Variants in ADAMTS9 observed in about 807,000 individuals in gnomAD.
ADAMTS9 encodes the protein ADAM metallopeptidase with thrombospondin type 1 motif 9.
In ADAMTS9, 107 loss-of-function variants were observed where a neutral mutation model predicts 257.1. The ratio of observed to expected loss-of-function variants is 0.42; its 90% confidence interval spans 0.36 to 0.49. ADAMTS9 has a LOEUF of 0.49. Ranked by LOEUF, ADAMTS9 falls within the 20% of genes least tolerant of loss-of-function variation. The probability of loss-of-function intolerance (pLI) is 0.03; values close to 1 mark genes in which losing one functional copy is unlikely to be tolerated. For synonymous variants in ADAMTS9, 982 were observed against 880.9 expected, an observed-to-expected ratio of 1.11 and a Z score of -2.03; for missense variants, 2,353 against 2,469.1, an observed-to-expected ratio of 0.95 and a Z score of 1.00.
intron 23 of ADAMTS9, among the ~76,000 whole-genome samples, chr3:64,605,207 T>G (rs1399338188): frequency 4.6e-5 from 7 of 152,234 alleles, no homozygotes; most frequent in Non-Finnish European, 8.8e-5. Flanking sequence ...AAGGAATTAT[T>G]CACATACTGC....
chr3:64,605,028 G>A (rs1246313644), intron 23 of ADAMTS9, among the ~76,000 whole-genome samples: 1 of 152,218 alleles, frequency 6.6e-6, no homozygotes, highest in African/African-American at 2.4e-5. Flanking sequence ...ATGCCTGAGT[G>A]TGCTGTACAC....
At position 64,657,693 on chromosome 3, in the gene ADAMTS9, ATTTT is replaced by A. The variant is rs71102810; in HGVS notation, c.969+805_969+808del. Among the ~76,000 whole-genome samples, 2 of 151,656 alleles carry A rather than the reference ATTTT, an allele frequency of 1.3e-5. 1 individual carries two copies. ...GCTACATGAAAATTTAAAATTAGGA[ATTTT>A]TTTTAATTTAAATACATTTGAAATT... On this transcript the variant is annotated intron_variant, in intron 4 of 39. Coordinates refer to ENST00000498707, the MANE Select transcript of ADAMTS9 (RefSeq NM_182920.2).
At chr3:64,598,232 T>G (rs893401218) in intron 26 of ADAMTS9, among the ~76,000 whole-genome samples, 8 of 152,116 alleles carry the variant, frequency 5.3e-5, no homozygotes, top group African/African-American at 1.9e-4. Context: ...GAGAAAATAT[T>G]TAGGTATTTT....
At position 64,575,943 on chromosome 3, in the gene ADAMTS9, A is replaced by G. The variant is rs150884180; in HGVS notation, c.4357-7408T>C. ...AGGTGAGTTTAAAAAAATTTTGTTA[A>G]CTAATGGAGTCTAACATTCTAACAG... On this transcript the variant is annotated intron_variant, in intron 28 of 39. Transcript: ENST00000498707. Among the ~76,000 whole-genome samples, 26 of 152,306 alleles carry G rather than the reference A, an allele frequency of 1.7e-4. No homozygotes were observed. In the East Asian group the frequency reaches 5.0e-3, roughly 29 times the overall value.
At chr3:64,599,505 C>T (rs1207645846) in intron 26 of ADAMTS9, among the ~76,000 whole-genome samples, 1 of 152,184 alleles carries the variant, frequency 6.6e-6, no homozygotes, top group African/African-American at 2.4e-5. Context: ...CTTTTCCTTA[C>T]ATCTGGCAGC....
chr3:64,617,263 T>C (rs1376988019), intron 19 of ADAMTS9, among the ~76,000 whole-genome samples: 1 of 152,176 alleles, frequency 6.6e-6, no homozygotes, highest in African/African-American at 2.4e-5. Context: ...CTACCTTCTC[T>C]TTGCCTTCGT....
At chr3:64,593,944 GTATGTGTGTGTGTATGA>G (rs1277077381) in intron 28 of ADAMTS9, among the ~76,000 whole-genome samples, 8 of 112,776 alleles carry the variant, frequency 7.1e-5, no homozygotes, top group African/African-American at 4.1e-4. Flanking sequence ...AAATCACTAT[GTATGTGTGTGTGTATGA>G]TGTGTGTGTG....
chr3:64,551,902 G>A (rs575045199), intron 30 of ADAMTS9, among the ~76,000 whole-genome samples: 2 of 152,276 alleles, frequency 1.3e-5, no homozygotes, highest in East Asian at 3.9e-4. Context: ...TTTAGCCCCA[G>A]GTGCCTTTTC....
At chr3:64,589,478 G>A (rs139131779) in intron 28 of ADAMTS9, 3 of 152,282 alleles carry the variant, frequency 2.0e-5, no homozygotes, top group East Asian at 3.9e-4. Context: ...AGTCAAATGG[G>A]TTCCTAACAG....
intron 3 of ADAMTS9, among the ~76,000 whole-genome samples, chr3:64,675,101 A>T (rs867038324): frequency 6.6e-6 from 1 of 152,144 alleles, no homozygotes; most frequent in Non-Finnish European, 1.5e-5. Context: ...GAGGCCAAAA[A>T]ATATCCCCTA....
chr3:64,663,393 G>C (rs1187399746), intron 3 of ADAMTS9, among the ~76,000 whole-genome samples: 1 of 150,492 alleles, frequency 6.6e-6, no homozygotes, highest in Non-Finnish European at 1.5e-5. Context: ...GAGTACTGCA[G>C]TGAGAACAAC....
At chr3:64,636,807 G>T (rs1267710917) in intron 12 of ADAMTS9, among the ~76,000 whole-genome samples, 1 of 152,180 alleles carries the variant, frequency 6.6e-6, no homozygotes, top group Non-Finnish European at 1.5e-5. Flanking sequence ...TATCAGTAAG[G>T]TTGAGTAATT....
intron 23 of ADAMTS9, among the ~76,000 whole-genome samples, chr3:64,604,953 T>A (rs1183157001): frequency 1.3e-5 from 2 of 152,262 alleles, no homozygotes; most frequent in Non-Finnish European, 2.9e-5. Flanking sequence ...AGTACACACC[T>A]GCTCATATTC....
intron 6 of ADAMTS9, 129 bp from the exon 7 acceptor site, chr3:64,654,741 C>A: frequency 1.0e-6 from 1 of 967,380 alleles, no homozygotes; most frequent in South Asian, 1.6e-5. Context: ...AAAGCAAATT[C>A]ATAAGACCAG....
chr3:64,592,914 C>T (rs758214648), intron 28 of ADAMTS9, among the ~76,000 whole-genome samples: 35 of 151,680 alleles, frequency 2.3e-4, no homozygotes, highest in Non-Finnish European at 4.1e-4. Context: ...GGGAATTTCA[C>T]GAAAAATAAT....
rs573042306 is a variant in ADAMTS9 at position 64,561,471 on chromosome 3, G to A, written c.4698+107C>T. On this transcript the variant is annotated intron_variant, in intron 30 of 39. Transcript: ENST00000498707. ...AACCTTTTGGGAAAGAGCCAGCATT[G>A]TAACCGTGCTCGGTGACTTCTCTGG... 164 of 1,281,068 alleles carry A rather than the reference G, an allele frequency of 1.3e-4. No individual in the cohort carries two copies. In the African/African-American group the frequency reaches 2.2e-3, roughly 18 times the overall value. 79.4% of individuals were successfully genotyped at this position (1,281,068 alleles called of 1,614,324 possible).
In ADAMTS9 at chr3:64,681,300, G is replaced by C. The variant is rs781168729; in HGVS notation, c.580C>G (p.Gln194Glu). 34 of 1,613,884 alleles carry C rather than the reference G, an allele frequency of 2.1e-5. No homozygotes were observed. The South Asian group carries it at 3.7e-4, about 18-fold the overall frequency. Residue 194 changes from glutamine to glutamate, a missense_variant, in exon 3 of 40, where the codon CAA becomes GAA. Gln to Glu is a conservative substitution (Grantham distance 29). Transcript: ENST00000498707. ...FIEPLQSMDE[Q>E]EDEEEQNKPH... The stretch of plus-strand genomic sequence containing the variant: ...TTGTTTTGTTCCTCTTCATCTTCTT[G>C]TTCATCCATAGACTGTAGTGGTTCA...
At chr3:64,580,288 T>A (rs1029503119) in intron 28 of ADAMTS9, among the ~76,000 whole-genome samples, 7 of 152,166 alleles carry the variant, frequency 4.6e-5, no homozygotes, top group South Asian at 2.1e-4. Context: ...TCAATTTTTT[T>A]AATAAGTTTT....
At position 64,596,941 on chromosome 3, in the gene ADAMTS9, C is replaced by T. The variant is rs888428662; in HGVS notation, c.4068G>A (p.Gln1356=). The change falls in exon 27 of 40, where the codon CAG becomes CAA. Residue 1356 remains glutamine (Q), a synonymous_variant. Transcript: ENST00000498707. ...GGSQRRVVVC[Q]DENGYTANDC... is the part of the protein sequence containing the mutation. ...CGTTTGCGGTGTATCCATTTTCATC[C>T]TGACATACAACAACACGCCGCTGGG... The T allele has an allele frequency of 6.2e-7, 1 of 1,613,986 alleles. No individual in the cohort carries two copies. The highest frequency in any genetic ancestry group is 1.7e-5 in the Admixed American group (1 of 60,002).
Sources: gnomAD v4.1 joint callset for allele counts (sites outside exome capture counted in the v4.1 genomes callset) on GRCh38, gnomAD v4.1.1 for gene constraint, MANE v1.5 for transcripts, NCBI Gene and HGNC (gene_info 2026-07-23, HGNC 2026-07-21) for gene names.